The following CATSPERT variants were observed in gnomAD, a reference collection of about 807,000 sequenced individuals.
CATSPERT encodes the protein catsper channel auxiliary subunit tau, also known as cation channel sperm-associated targeting subunit tau.
the CATSPERT span, among the ~76,000 whole-genome samples, chr2:201,577,733 A>AG: frequency 6.6e-6 from 1 of 152,174 alleles, no homozygotes; most frequent in Non-Finnish European, 1.5e-5. Context: ...GCTGGGGAGT[A>AG]GGGGTAGGAA....
the CATSPERT span, among the ~76,000 whole-genome samples, chr2:201,498,089 G>C: frequency 2.0e-5 from 3 of 152,160 alleles, no homozygotes; most frequent in Non-Finnish European, 4.4e-5. Context: ...ATTAATCAGG[G>C]TTCTCCAGAG....
chr2:201,587,312 TA>T, the CATSPERT span, among the ~76,000 whole-genome samples: 1 of 152,162 alleles, frequency 6.6e-6, no homozygotes, highest in African/African-American at 2.4e-5. Flanking sequence ...TTCCTTCCTG[TA>T]TATCTGGGCT....
At chr2:201,618,054 A>C in the CATSPERT span, among the ~76,000 whole-genome samples, 2 of 152,178 alleles carry the variant, frequency 1.3e-5, no homozygotes, top group Non-Finnish European at 2.9e-5. Context: ...AAAAGTCAGG[A>C]AACAACAGGT....
the CATSPERT span, among the ~76,000 whole-genome samples, chr2:201,589,309 G>A: frequency 6.6e-6 from 1 of 152,018 alleles, no homozygotes; most frequent in East Asian, 1.9e-4. Context: ...GCAATCCTAA[G>A]CAAAAATAAC....
the CATSPERT span, among the ~76,000 whole-genome samples, chr2:201,515,423 C>A: frequency 6.6e-6 from 1 of 151,256 alleles, no homozygotes; most frequent in East Asian, 1.9e-4. Flanking sequence ...TTAGTAGAGA[C>A]ACAGTTTCCC....
the CATSPERT span, among the ~76,000 whole-genome samples, chr2:201,614,560 C>T: frequency 6.6e-6 from 1 of 152,144 alleles, no homozygotes; most frequent in Non-Finnish European, 1.5e-5. Flanking sequence ...CTGAATGAAG[C>T]ACTAAACGTG....
At chr2:201,493,677 T>A in the CATSPERT span, 1 of 1,537,358 alleles carries the variant, frequency 6.5e-7, no homozygotes, top group Non-Finnish European at 8.7e-7. Flanking sequence ...CCAAGTTCAT[T>A]GGTGTTTCAC....
chr2:201,574,729 G>A, the CATSPERT span, among the ~76,000 whole-genome samples: 1 of 152,080 alleles, frequency 6.6e-6, no homozygotes, highest in Non-Finnish European at 1.5e-5. Context: ...ATAAAGGAGG[G>A]CATGAGAGGT....
At chr2:201,571,991 T>C in the CATSPERT span, 1 of 1,613,348 alleles carries the variant, frequency 6.2e-7, no homozygotes, top group African/African-American at 1.3e-5. Context: ...TAAACATGGA[T>C]GGCTCAGTAA....
the CATSPERT span, among the ~76,000 whole-genome samples, chr2:201,546,687 A>G: frequency 2.0e-5 from 3 of 152,258 alleles, no homozygotes; most frequent in Middle Eastern, 3.4e-3. Context: ...GGAATGTACG[A>G]TGATGCAGCT....
At chr2:201,594,301 T>C in the CATSPERT span, among the ~76,000 whole-genome samples, 1 of 152,214 alleles carries the variant, frequency 6.6e-6, no homozygotes, top group Admixed American at 6.5e-5. Context: ...ATGTTGAATA[T>C]TGGCCCCCAC....
chr2:201,563,893 A>G, the CATSPERT span, among the ~76,000 whole-genome samples: 3 of 152,240 alleles, frequency 2.0e-5, no homozygotes, highest in African/African-American at 7.2e-5. Flanking sequence ...AAGGAAGTCC[A>G]GAGACATGGA....
chr2:201,539,511 G>GTTTTTTTTTTTTT, the CATSPERT span, among the ~76,000 whole-genome samples: 1 of 89,760 alleles, frequency 1.1e-5, no homozygotes. Flanking sequence ...TTTTAACGAG[G>GTTTTTTTTTTTTT]TTTTTTTTTT....
chr2:201,533,399 C>G, the CATSPERT span, among the ~76,000 whole-genome samples: 1 of 152,182 alleles, frequency 6.6e-6, no homozygotes, highest in Non-Finnish European at 1.5e-5. Flanking sequence ...AGGCCAAGAA[C>G]TTCAGAATTA....
chr2:201,494,850 C>A, the CATSPERT span: 1 of 1,299,798 alleles, frequency 7.7e-7, no homozygotes, highest in Non-Finnish European at 1.0e-6. Flanking sequence ...AGCAATCTGT[C>A]AATGTATCTA....
chr2:201,590,385 T>C, the CATSPERT span, among the ~76,000 whole-genome samples: 1 of 152,126 alleles, frequency 6.6e-6, no homozygotes, highest in East Asian at 1.9e-4. Context: ...CAGTCTATCA[T>C]TGTTCGACAT....
the CATSPERT span, among the ~76,000 whole-genome samples, chr2:201,501,994 A>T: frequency 6.6e-6 from 1 of 152,126 alleles, no homozygotes; most frequent in Non-Finnish European, 1.5e-5. Context: ...TGAGATAGAG[A>T]CAAGCAAGTC....
chr2:201,514,717 T>G, the CATSPERT span, among the ~76,000 whole-genome samples: 2 of 152,216 alleles, frequency 1.3e-5, no homozygotes, highest in Non-Finnish European at 2.9e-5. Flanking sequence ...TTGGCCAGAA[T>G]TCTGCCCACT....
chr2:201,532,279 C>T, the CATSPERT span, among the ~76,000 whole-genome samples: 1 of 152,056 alleles, frequency 6.6e-6, no homozygotes, highest in African/African-American at 2.4e-5. Flanking sequence ...TTATTTTTGT[C>T]TTTTATGTTC....
Sources: gnomAD v4.1 joint callset for allele counts (sites outside exome capture counted in the v4.1 genomes callset) on GRCh38, gnomAD v4.1.1 for gene constraint, MANE v1.5 for transcripts, NCBI Gene and HGNC (gene_info 2026-07-23, HGNC 2026-07-21) for gene names.